The following SH3BP5 variants were observed in gnomAD, a reference collection of about 807,000 sequenced individuals.
SH3BP5 encodes the protein SH3 domain-binding protein 5.
Under a neutral mutation model 43.3 loss-of-function variants are expected in SH3BP5, and 22 were observed. The observed-to-expected ratio is 0.51, with a 90% CI of 0.36 to 0.73. SH3BP5 has a LOEUF of 0.73. Ranked by LOEUF, SH3BP5 falls within the 30% of genes least tolerant of loss-of-function variation. The probability of loss-of-function intolerance (pLI) is 0.00; values close to 1 mark genes in which losing one functional copy is unlikely to be tolerated. For missense variants in SH3BP5, 529 were observed against 586.9 expected, an observed-to-expected ratio of 0.90 and a Z score of 1.02; for synonymous variants, 255 against 225.8, an observed-to-expected ratio of 1.13 and a Z score of -1.16.
intron 3 of SH3BP5, among the ~76,000 whole-genome samples, chr3:15,297,973 C>CTT (rs57568903): frequency 6.7e-5 from 9 of 134,870 alleles, no homozygotes; most frequent in East Asian, 4.3e-4. Flanking sequence ...TTTTCTTTTT[C>CTT]TTTTTTTTTT....
intron 3 of SH3BP5, among the ~76,000 whole-genome samples, chr3:15,278,270 C>G (rs931731978): frequency 6.6e-6 from 1 of 152,220 alleles, no homozygotes; most frequent in South Asian, 2.1e-4. Context: ...CCAACCCAAC[C>G]GAGGAAGATC....
At chr3:15,323,127 C>CAAATAAAT (rs141252585) in intron 2 of SH3BP5, among the ~76,000 whole-genome samples, 33,379 of 145,934 alleles carry the variant, frequency 0.23, 3,983 homozygotes, top group East Asian at 0.31. Context: ...GACCCTGTCT[C>CAAATAAAT]AAATAAATAA....
intron 3 of SH3BP5, among the ~76,000 whole-genome samples, chr3:15,303,190 A>G (rs1183237067): frequency 2.0e-5 from 3 of 152,244 alleles, no homozygotes; most frequent in Non-Finnish European, 4.4e-5. Flanking sequence ...CCACAGGGAC[A>G]GCACTGGGTC....
In SH3BP5 at chr3:15,267,760, G is replaced by A. The variant is rs139773234; in HGVS notation, c.495+1953C>T. Among the ~76,000 whole-genome samples, 384 of 152,316 alleles carry A rather than the reference G, an allele frequency of 2.5e-3. 4 individuals carry two copies. Among genetic ancestry groups the A allele is most frequent in the African/African-American group, 8.8e-3 (367 of 41,566 alleles). ...CCTGAGTTATACAGTGTGGAGGTCTGGGGATGCCACTCCTTGGGAGGCCAC... is the reference window on the plus strand; with the variant it reads ...CCTGAGTTATACAGTGTGGAGGTCTAGGGATGCCACTCCTTGGGAGGCCAC... On this transcript the variant is annotated intron_variant, in intron 4 of 8. Transcript: ENST00000383791.
intron 5 of SH3BP5, 79 bp downstream of exon 5, chr3:15,262,080 G>A: frequency 6.4e-7 from 1 of 1,553,378 alleles, no homozygotes; most frequent in Non-Finnish European, 8.8e-7. Context: ...TGGTCCTTGA[G>A]TGTGTGACAT....
chr3:15,309,914 C>G (rs536519308), intron 2 of SH3BP5, among the ~76,000 whole-genome samples: 9 of 151,416 alleles, frequency 5.9e-5, no homozygotes, highest in East Asian at 5.8e-4. Flanking sequence ...CCACCCCCCC[C>G]CCATAAGAAA....
intron 2 of SH3BP5, among the ~76,000 whole-genome samples, chr3:15,316,784 G>A (rs1023887231): frequency 1.3e-5 from 2 of 151,376 alleles, no homozygotes; most frequent in African/African-American, 4.9e-5. Flanking sequence ...AAAACCTCAT[G>A]AGCCCTTTAA....
intron 3 of SH3BP5, among the ~76,000 whole-genome samples, chr3:15,277,879 G>C (rs1697015465): frequency 6.6e-6 from 1 of 152,222 alleles, no homozygotes; most frequent in African/African-American, 2.4e-5. Flanking sequence ...TGGATGCCTG[G>C]ACATGGATTG....
intron 2 of SH3BP5, among the ~76,000 whole-genome samples, chr3:15,329,933 A>G (rs1167750768): frequency 1.3e-5 from 2 of 152,242 alleles, no homozygotes; most frequent in African/African-American, 4.8e-5. Context: ...TAGTCTCCCA[A>G]GATTTTTCCC....
chr3:15,262,368 A>G lies in SH3BP5; in HGVS notation c.496-79T>C, dbSNP rs1260622055. On this transcript the variant is annotated intron_variant, in intron 4 of 8. Coordinates refer to ENST00000383791, the MANE Select transcript of SH3BP5 (RefSeq NM_004844.5). ...GAATATTACTTATATTATTTTTCAA[A>G]AAATATTCTTTGCCCGGGCATGGTG... 13 of 1,500,706 alleles carry G rather than the reference A, an allele frequency of 8.7e-6. No individual in the cohort carries two copies. The East Asian group carries it at 3.2e-4, about 37-fold the overall frequency. The allele number at this position is 1,500,706 out of a possible 1,614,324, so 93.0% of individuals were successfully genotyped here.
chr3:15,266,722 C>T (rs1334109229), intron 4 of SH3BP5, among the ~76,000 whole-genome samples: 1 of 152,238 alleles, frequency 6.6e-6, no homozygotes, highest in Non-Finnish European at 1.5e-5. Flanking sequence ...TCATCAACCC[C>T]AGCACTAAGC....
intron 2 of SH3BP5, among the ~76,000 whole-genome samples, chr3:15,322,313 T>C (rs1167505072): frequency 1.3e-5 from 2 of 152,034 alleles, no homozygotes; most frequent in Non-Finnish European, 1.5e-5. Flanking sequence ...ATTTTATGTA[T>C]AGTTTTTTTT....
intron 3 of SH3BP5, among the ~76,000 whole-genome samples, chr3:15,283,180 A>C (rs1037889548): frequency 6.6e-6 from 1 of 152,170 alleles, no homozygotes; most frequent in Non-Finnish European, 1.5e-5. Context: ...GGTGGATCAC[A>C]TGAGGCCAGA....
In SH3BP5 at chr3:15,257,843, C is replaced by G. The variant is rs530642476; in HGVS notation, c.890-730G>C. Among the ~76,000 whole-genome samples the G allele has an allele frequency of 5.3e-5, 8 of 152,320 alleles. No homozygotes were observed. The South Asian group carries it at 1.4e-3, about 28-fold the overall frequency. On this transcript the variant is annotated intron_variant, in intron 7 of 8. Coordinates refer to ENST00000383791, the MANE Select transcript of SH3BP5 (RefSeq NM_004844.5). ...AACTTTCCTACTCCATTTTTCCCCCCCTTTCTCTTTAAAAACAGCCTTGTA... is the reference window on the plus strand; with the variant it reads ...AACTTTCCTACTCCATTTTTCCCCCGCTTTCTCTTTAAAAACAGCCTTGTA...
intron 3 of SH3BP5, among the ~76,000 whole-genome samples, chr3:15,285,390 C>T (rs536284335): frequency 3.3e-5 from 5 of 152,246 alleles, no homozygotes; most frequent in South Asian, 2.1e-4. Context: ...ACTCATTCCC[C>T]GCTCCGCTCA....
At chr3:15,286,027 G>T (rs1697255605) in intron 3 of SH3BP5, among the ~76,000 whole-genome samples, 2 of 152,244 alleles carry the variant, frequency 1.3e-5, no homozygotes, top group African/African-American at 4.8e-5. Flanking sequence ...TACCTTTCTG[G>T]TAAGCACAGC....
chr3:15,294,870 G>T (rs1697525777), intron 3 of SH3BP5, among the ~76,000 whole-genome samples: 1 of 152,180 alleles, frequency 6.6e-6, no homozygotes, highest in Non-Finnish European at 1.5e-5. Flanking sequence ...TGTCCATGCT[G>T]TTCCTTTCCT....
intron 2 of SH3BP5, among the ~76,000 whole-genome samples, chr3:15,305,151 T>G (rs1415545883): frequency 6.6e-6 from 1 of 152,134 alleles, no homozygotes; most frequent in African/African-American, 2.4e-5. Flanking sequence ...ATATTTAAAA[T>G]TTTTTAATTA....
intron 2 of SH3BP5, among the ~76,000 whole-genome samples, chr3:15,316,219 CTTTT>C (rs577644493): frequency 1.1e-4 from 9 of 81,686 alleles, no homozygotes; most frequent in African/African-American, 4.2e-4. Flanking sequence ...AAAAGACTCG[CTTTT>C]TTTTTTTTTT....
Sources: allele counts gnomAD v4.1 joint callset (sites outside exome capture counted in the v4.1 genomes callset), GRCh38; gene constraint gnomAD v4.1.1; transcripts MANE v1.5; gene names NCBI Gene and HGNC (gene_info 2026-07-23, HGNC 2026-07-21).